Variants in ERMP1 observed in about 807,000 individuals in gnomAD.
The protein encoded by ERMP1 is endoplasmic reticulum metallopeptidase 1, also known as Felix-ina.
Under a neutral mutation model 92.0 loss-of-function variants are expected in ERMP1, and 86 were observed. The observed-to-expected ratio is 0.93, with a 90% confidence interval of 0.79 to 1.12. The LOEUF (loss-of-function observed/expected upper bound fraction) is 1.12. Among genes scored for constraint, ERMP1 ranks in the 50% most tolerant of loss-of-function variants. The pLI is 0.00. For missense variants in ERMP1, 1,342 were observed against 1,116.3 expected (o/e 1.20, Z -2.88); for synonymous variants, 530 against 412.8 (o/e 1.28, Z -3.44).
intron 6 of ERMP1, among the ~76,000 whole-genome samples, chr9:5,857,476 G>T (rs186327328): frequency 1.9e-4 from 29 of 152,296 alleles, no homozygotes; most frequent in Non-Finnish European, 4.0e-4. Context: ...TTGATTTGGG[G>T]ATTACAAATA....
chr9:5,850,105 C>T (rs1830289057), intron 6 of ERMP1, among the ~76,000 whole-genome samples: 1 of 152,122 alleles, frequency 6.6e-6, no homozygotes, highest in South Asian at 2.1e-4. Context: ...AGGCCAGGGC[C>T]CAGGTCTCCC....
intron 5 of ERMP1, among the ~76,000 whole-genome samples, chr9:5,861,717 GT>G (rs34804675): frequency 0.055 from 3,610 of 66,152 alleles, 39 homozygotes; most frequent in Middle Eastern, 0.12. Flanking sequence ...GAGAGGAAGG[GT>G]TTTTTTTTTT....
chr9:5,795,297 T>C (rs1276955182), intron 13 of ERMP1, among the ~76,000 whole-genome samples: 1 of 152,140 alleles, frequency 6.6e-6, no homozygotes, highest in Non-Finnish European at 1.5e-5. Flanking sequence ...ACATACTCAG[T>C]GGTAAGAAAC....
rs1404463779 is a variant in ERMP1 at position 5,832,914 on chromosome 9, A to C, written c.114T>G (p.Pro38=). ...PPEREARAQE[P]LVDGCSGGGR... ...CGCCGCCGCTGCACCCATCCACCAG[A>C]GGCTCCTGCGCTCGGGCCTCCCTCT... Residue 38 remains proline (P), a synonymous_variant, in exon 1 of 15, where the codon CCT becomes CCG. Coordinates refer to ENST00000339450, the MANE Select transcript of ERMP1 (RefSeq NM_024896.3). 2 of 1,560,666 alleles carry C rather than the reference A, an allele frequency of 1.3e-6. No homozygotes were observed. The highest frequency in any genetic ancestry group is 1.7e-6 in the Non-Finnish European group (2 of 1,164,376).
intron 5 of ERMP1, 60 bp from the exon 6 acceptor site, chr9:5,812,277 G>A (rs928954792): frequency 1.7e-5 from 17 of 973,242 alleles, no homozygotes; most frequent in South Asian, 6.4e-5. Context: ...CCTTGCTTTC[G>A]ACCTATTTCT....
intron 6 of ERMP1, among the ~76,000 whole-genome samples, chr9:5,840,928 T>C (rs978214795): frequency 1.3e-5 from 2 of 152,268 alleles, no homozygotes; most frequent in Non-Finnish European, 2.9e-5. Context: ...AGTTCTTTCA[T>C]AGCAACCTAA....
chr9:5,864,195 C>T (rs992260721), intron 5 of ERMP1, among the ~76,000 whole-genome samples: 3 of 152,186 alleles, frequency 2.0e-5, no homozygotes, highest in African/African-American at 7.2e-5. Context: ...TGAAGTTGAA[C>T]ATTTTCCTCA....
At position 5,784,672 on chromosome 9, in the gene ERMP1, C is replaced by A. The variant is rs1467845769; in HGVS notation, c.*2472G>T. Reference sequence around the variant, plus strand: ...AAATTGACAAACACTCCTTCTACAGCTTCCTGAGACAGCAGGCTGGCTTGT... The same window carrying A: ...AAATTGACAAACACTCCTTCTACAGATTCCTGAGACAGCAGGCTGGCTTGT... On this transcript the variant is annotated 3_prime_UTR_variant, in exon 15 of 15. Transcript: ENST00000339450. 6.6e-6 allele frequency: 1 copy of A among 152,662 alleles called. No homozygotes were observed. The highest frequency in any genetic ancestry group is 1.5e-5 in the Non-Finnish European group (1 of 68,056). The allele number at this position is 152,662 out of a possible 1,614,324, so 9.5% of individuals were successfully genotyped here.
chr9:5,839,012 C>T (rs1830125794), intron 6 of ERMP1, among the ~76,000 whole-genome samples: 1 of 152,210 alleles, frequency 6.6e-6, no homozygotes, highest in Non-Finnish European at 1.5e-5. Flanking sequence ...CAACCCTGTG[C>T]CTAGGAAGGC....
At chr9:5,794,602 A>C (rs1350169555) in intron 13 of ERMP1, among the ~76,000 whole-genome samples, 1 of 152,162 alleles carries the variant, frequency 6.6e-6, no homozygotes, top group East Asian at 1.9e-4. Context: ...AGGATAATTA[A>C]GGAATATTAT....
chr9:5,837,087 A>T (rs1830103986), upstream of ERMP1, among the ~76,000 whole-genome samples: 1 of 152,158 alleles, frequency 6.6e-6, no homozygotes, highest in South Asian at 2.1e-4. Context: ...AGATTCTCTG[A>T]TTCTGGAATA....
chr9:5,843,646 G>A (rs747736301), intron 6 of ERMP1, among the ~76,000 whole-genome samples: 1 of 152,082 alleles, frequency 6.6e-6, no homozygotes, highest in Non-Finnish European at 1.5e-5. Context: ...CCCCCTCCCC[G>A]CTTCTAGCCA....
At chr9:5,811,997 A>G in intron 6 of ERMP1, 128 bp downstream of exon 6, 2 of 590,016 alleles carry the variant, frequency 3.4e-6, no homozygotes, top group Non-Finnish European at 5.9e-6. Flanking sequence ...CTCCAACTCC[A>G]AAGCCCTAGC....
intron 4 of ERMP1, among the ~76,000 whole-genome samples, chr9:5,818,692 A>C (rs1477855984): frequency 6.6e-6 from 1 of 152,012 alleles, no homozygotes; most frequent in East Asian, 1.9e-4. Context: ...CAGCCTGGGC[A>C]ACAAAGCAAG....
In ERMP1 at chr9:5,832,674, A is replaced by C. The variant is rs752899080; in HGVS notation, c.338+16T>G. The C allele has an allele frequency of 3.8e-5, 54 of 1,410,126 alleles. No individual in the cohort carries two copies. Among genetic ancestry groups the C allele is most frequent in the Non-Finnish European group, 4.9e-5 (53 of 1,087,944 alleles). The allele number at this position is 1,410,126 out of a possible 1,614,324, so 87.4% of individuals were successfully genotyped here. On this transcript the variant is annotated intron_variant, in intron 1 of 14. Transcript: ENST00000339450. ...AAACGGACGCGCGGGCCGTGCCAGG[A>C]GGGAGCGGCCGGTACCTGGCTTGGA...
intron 2 of ERMP1, among the ~76,000 whole-genome samples, chr9:5,827,460 G>T (rs1489788983): frequency 6.6e-6 from 1 of 152,254 alleles, no homozygotes; most frequent in Non-Finnish European, 1.5e-5. Context: ...GGTTGGACAA[G>T]CTTAATCTAT....
At chr9:5,863,276 G>T (rs1213389985) in intron 5 of ERMP1, among the ~76,000 whole-genome samples, 1 of 152,200 alleles carries the variant, frequency 6.6e-6, no homozygotes, top group Non-Finnish European at 1.5e-5. Context: ...TTCAAAGCAG[G>T]AGTTTCTGCA....
chr9:5,792,505 T>C (rs1828239644), intron 13 of ERMP1, among the ~76,000 whole-genome samples: 1 of 152,160 alleles, frequency 6.6e-6, no homozygotes, highest in Admixed American at 6.5e-5. Flanking sequence ...TTTCAGTAAA[T>C]CTTCTTAAAA....
chr9:5,820,418 G>A (rs62558100), intron 4 of ERMP1, among the ~76,000 whole-genome samples: 90 of 152,276 alleles, frequency 5.9e-4, no homozygotes, highest in Non-Finnish European at 1.1e-3. Context: ...TTCTAGAAGA[G>A]TATAGACTAA....
Sources: gnomAD v4.1 joint callset for allele counts (sites outside exome capture counted in the v4.1 genomes callset) on GRCh38, gnomAD v4.1.1 for gene constraint, MANE v1.5 for transcripts, NCBI Gene and HGNC (gene_info 2026-07-23, HGNC 2026-07-21) for gene names.